Variants in BCAS4 observed in about 807,000 individuals in gnomAD.
The protein encoded by BCAS4 is breast carcinoma amplified sequence 4, also known as breast carcinoma-amplified sequence 4.
BCAS4 carries 9 observed loss-of-function variants against 15.7 expected under a neutral mutation model. The ratio of observed to expected loss-of-function variants is 0.57; its 90% CI spans 0.34 to 1.00. The LOEUF (loss-of-function observed/expected upper bound fraction) is 1.00. BCAS4 is among the 50% of genes least tolerant of loss of function. BCAS4 has a pLI of 0.02. For missense variants in BCAS4, 225 were observed against 239.1 expected (o/e 0.94, Z 0.39); for synonymous variants, 101 against 99.5 (o/e 1.02, Z -0.09).
Position 50,795,090 on chromosome 20 carries a change from C to G in BCAS4, c.7C>G (p.Leu3Val). 1 of 1,504,802 alleles carries G rather than the reference C, an allele frequency of 6.6e-7. No individual in the cohort carries two copies. Among genetic ancestry groups the G allele is most frequent in the Non-Finnish European group, 8.9e-7 (1 of 1,128,092 alleles). The allele number at this position is 1,504,802 out of a possible 1,614,324, so 93.2% of individuals were successfully genotyped here. ...GGACCCCGTCGCCCTCCTGATGCTG[C>G]TCGTGGACGCTGATCAGCCGGAGCC... ML[L>V]VDADQPEPMR... is the part of the protein sequence containing the mutation. The change falls in exon 1 of 5, where the codon CTC becomes GTC. Residue 3 changes from leucine (L) to valine (V), a missense_variant. By Grantham distance (32) the Leu-to-Val change is conservative. Transcript: ENST00000371608.
At chr20:50,818,062 T>C in intron 1 of BCAS4, 149 bp from the exon 2 acceptor site, 1 of 700,744 alleles carries the variant, frequency 1.4e-6, no homozygotes. Context: ...TGTTTATTGC[T>C]CTTTCAAAGG....
chr20:50,880,957 G>T (rs1980106905), downstream of BCAS4: 1 of 152,174 alleles, frequency 6.6e-6, no homozygotes, highest in Non-Finnish European at 1.5e-5. Context: ...CTATTGGCCG[G>T]GTGCAGTGGC....
intron 2 of BCAS4, among the ~76,000 whole-genome samples, chr20:50,823,799 G>C (rs1365459762): frequency 6.6e-6 from 1 of 152,108 alleles, no homozygotes; most frequent in Non-Finnish European, 1.5e-5. Flanking sequence ...TTTGGGGAGG[G>C]TAGTCATGGC....
Position 50,812,692 on chromosome 20 carries a change from G to A in BCAS4, c.91-5519G>A, listed in dbSNP as rs73615339. Among the ~76,000 whole-genome samples, 6 of 151,972 alleles carry A rather than the reference G, an allele frequency of 3.9e-5. No homozygotes were observed. In the East Asian group the frequency reaches 7.7e-4, roughly 20 times the overall value. ...TGACCTCAAGTGACCTGCCTGCCTC[G>A]GCCTCCCAAAGTGTTGGGATTACAG... is the stretch of plus-strand genomic sequence containing the variant. On this transcript the variant is annotated intron_variant, in intron 1 of 4. Transcript: ENST00000371608.
intron 1 of BCAS4, among the ~76,000 whole-genome samples, chr20:50,796,476 TATA>T (rs2087861895): frequency 5.0e-4 from 7 of 13,894 alleles, no homozygotes; most frequent in East Asian, 1.6e-3. Context: ...TATATATATA[TATA>T]TATATATATT....
chr20:50,845,650 G>T (rs2088534777), intron 4 of BCAS4, among the ~76,000 whole-genome samples: 1 of 152,230 alleles, frequency 6.6e-6, no homozygotes, highest in Admixed American at 6.5e-5. Context: ...CCCGACCCCA[G>T]GCTGGCCCGA....
chr20:50,850,594 C>T (rs1229977407), intron 4 of BCAS4, among the ~76,000 whole-genome samples: 3 of 152,046 alleles, frequency 2.0e-5, no homozygotes, highest in Non-Finnish European at 4.4e-5. Flanking sequence ...GAGGAAGTTC[C>T]TTCTGACAGC....
Position 50,865,307 on chromosome 20 carries a change from C to T in BCAS4, c.400-11179C>T, listed in dbSNP as rs1979302421. Among the ~76,000 whole-genome samples, 3 of 152,010 alleles carry T rather than the reference C, an allele frequency of 2.0e-5. No individual in the cohort carries two copies. The South Asian group carries it at 6.2e-4, about 32-fold the overall frequency. On this transcript the variant is annotated intron_variant, in intron 4 of 4. Transcript: ENST00000371608. The stretch of plus-strand genomic sequence containing the variant: ...GGAAAGAGGGGACTTGGCCCATGGA[C>T]AGCAGAGTTTGTTGGCCAAGTTTGG...
chr20:50,826,627 T>C (rs936392082), intron 2 of BCAS4, among the ~76,000 whole-genome samples: 1 of 152,184 alleles, frequency 6.6e-6, no homozygotes, highest in African/African-American at 2.4e-5. Context: ...CAGGCTGGTC[T>C]TGAGCTCCTG....
chr20:50,796,493 T>A (rs34280672), intron 1 of BCAS4, among the ~76,000 whole-genome samples: 36 of 26,824 alleles, frequency 1.3e-3, no homozygotes, highest in South Asian at 2.0e-3. Context: ...ATATATTTTT[T>A]TTTTTTTTTT....
intron 4 of BCAS4, among the ~76,000 whole-genome samples, chr20:50,859,780 A>G (rs1389086099): frequency 6.6e-6 from 1 of 152,084 alleles, no homozygotes; most frequent in Non-Finnish European, 1.5e-5. Context: ...CCAACTCTGG[A>G]TGTGTGTGCG....
At chr20:50,807,902 CTT>C (rs957736187) in intron 1 of BCAS4, among the ~76,000 whole-genome samples, 1 of 129,520 alleles carries the variant, frequency 7.7e-6, no homozygotes, top group African/African-American at 2.9e-5. Flanking sequence ...GCCACATATT[CTT>C]TTTTTTTTTT....
chr20:50,837,650 C>T (rs1248810390), intron 3 of BCAS4, among the ~76,000 whole-genome samples: 4 of 152,212 alleles, frequency 2.6e-5, no homozygotes, highest in Non-Finnish European at 4.4e-5. Context: ...TGTGGGTGGA[C>T]GTGTGCGTCT....
chr20:50,821,502 G>A (rs2088216486), intron 2 of BCAS4, among the ~76,000 whole-genome samples: 1 of 152,224 alleles, frequency 6.6e-6, no homozygotes, highest in African/African-American at 2.4e-5. Context: ...AGAGAGAGGT[G>A]TCCGGTGATC....
At chr20:50,863,725 A>G (rs887855904) in intron 4 of BCAS4, among the ~76,000 whole-genome samples, 10 of 152,222 alleles carry the variant, frequency 6.6e-5, no homozygotes, top group Admixed American at 3.9e-4. Flanking sequence ...GTATGGGATA[A>G]GGGGACGGAT....
rs920383315 is a variant in BCAS4 at position 50,840,787 on chromosome 20, G to A, written c.265-979G>A. The stretch of plus-strand genomic sequence containing the variant: ...GAAGCGGAGCGAGGCACGCGAGAAC[G>A]AGCGAAGTCTGGTCTGCGTAGTGGC... On this transcript the variant is annotated intron_variant, in intron 3 of 4. Coordinates refer to ENST00000371608, the MANE Select transcript of BCAS4 (RefSeq NM_198799.4). 69 of 1,471,160 alleles carry A rather than the reference G, an allele frequency of 4.7e-5. No individual in the cohort carries two copies. In the African/African-American group the frequency reaches 8.4e-4, roughly 18 times the overall value. 91.1% of individuals were successfully genotyped at this position (1,471,160 alleles called of 1,614,324 possible).
chr20:50,848,129 G>T (rs2088569989), intron 4 of BCAS4, among the ~76,000 whole-genome samples: 1 of 152,084 alleles, frequency 6.6e-6, no homozygotes, highest in Non-Finnish European at 1.5e-5. Context: ...GGTAGTGCGT[G>T]CCTGTGGTCC....
At chr20:50,795,604 C>A (rs559194655) in intron 1 of BCAS4, among the ~76,000 whole-genome samples, 1 of 152,198 alleles carries the variant, frequency 6.6e-6, no homozygotes, top group African/African-American at 2.4e-5. Flanking sequence ...CCTCTGTCTG[C>A]GCTTTCTATT....
chr20:50,827,107 T>C (rs1396407402), intron 2 of BCAS4, among the ~76,000 whole-genome samples: 2 of 152,266 alleles, frequency 1.3e-5, no homozygotes, highest in Admixed American at 6.5e-5. Context: ...CAGTTTCTCA[T>C]GAGTGTCCTC....
Sources: gnomAD v4.1 joint callset for allele counts (sites outside exome capture counted in the v4.1 genomes callset) on GRCh38, gnomAD v4.1.1 for gene constraint, MANE v1.5 for transcripts, NCBI Gene and HGNC (gene_info 2026-07-23, HGNC 2026-07-21) for gene names.